Variants in KCNT2 observed in about 807,000 individuals in gnomAD.
The protein encoded by KCNT2 is potassium sodium-activated channel subfamily T member 2.
KCNT2 carries 67 observed loss-of-function variants against 153.8 expected under a neutral mutation model. The ratio of observed to expected loss-of-function variants is 0.44; its 90% confidence interval spans 0.36 to 0.53. The LOEUF is 0.53. Ranked by LOEUF, KCNT2 falls within the 20% of genes least tolerant of loss-of-function variation. The pLI, the probability that KCNT2 is intolerant of heterozygous loss-of-function variation, is 0.00. For missense variants in KCNT2, 975 were observed against 1,354.8 expected, an observed-to-expected ratio of 0.72 and a Z score of 4.40; for synonymous variants, 500 against 458.8, an observed-to-expected ratio of 1.09 and a Z score of -1.15.
At chr1:196,236,630 AG>A (rs1654467109) in intron 26 of KCNT2, among the ~76,000 whole-genome samples, 1 of 151,626 alleles carries the variant, frequency 6.6e-6, no homozygotes, top group Admixed American at 6.6e-5. Context: ...CCTCTAGAAC[AG>A]AATTTAACCA....
At chr1:196,336,415 T>C (rs1485256418) in intron 16 of KCNT2, among the ~76,000 whole-genome samples, 1 of 152,174 alleles carries the variant, frequency 6.6e-6, no homozygotes, top group Admixed American at 6.6e-5. Context: ...CTTTCAGTCT[T>C]TTCTAACCAA....
chr1:196,267,698 A>T (rs949346150), intron 25 of KCNT2, among the ~76,000 whole-genome samples: 1 of 152,162 alleles, frequency 6.6e-6, no homozygotes, highest in African/African-American at 2.4e-5. Flanking sequence ...TGCTGGTTGC[A>T]TACTGAGCTC....
chr1:196,599,791 G>A (rs948368522), intron 1 of KCNT2, among the ~76,000 whole-genome samples: 1 of 152,070 alleles, frequency 6.6e-6, no homozygotes, highest in Non-Finnish European at 1.5e-5. Flanking sequence ...AGGCAAAATT[G>A]TGGAGAGAAA....
Position 196,465,349 on chromosome 1 carries a change from T to A in KCNT2, c.582A>T (p.Ala194=). Residue 194 remains alanine (A), a synonymous_variant, in exon 8 of 28, where the codon GCA becomes GCT. Coordinates refer to ENST00000294725, the MANE Select transcript of KCNT2 (RefSeq NM_198503.5). ...TTAAAATCAAAACTTGATTAAACAT[T>A]GCAGACTGTGTACGCTGAATGGCTC... The part of the protein sequence containing the change: ...LHRAIQRTQS[A]MFNQVLILIS... The A allele has an allele frequency of 1.9e-6, 3 of 1,609,280 alleles. No individual in the cohort carries two copies. The highest frequency in any genetic ancestry group is 2.6e-6 in the Non-Finnish European group (3 of 1,176,212).
chr1:196,352,928 C>T (rs1666857465), intron 14 of KCNT2, among the ~76,000 whole-genome samples: 1 of 152,090 alleles, frequency 6.6e-6, no homozygotes, highest in Non-Finnish European at 1.5e-5. Flanking sequence ...TTTCAAAGAA[C>T]ATCTTTATTT....
At chr1:196,580,021 G>GAAAA (rs533944903) in intron 1 of KCNT2, among the ~76,000 whole-genome samples, 9 of 152,110 alleles carry the variant, frequency 5.9e-5, no homozygotes, top group Non-Finnish European at 1.2e-4. Flanking sequence ...CATTCATGTG[G>GAAAA]AAAGGTAGAA....
chr1:196,578,776 A>C (rs968211692), intron 1 of KCNT2, among the ~76,000 whole-genome samples: 6 of 152,122 alleles, frequency 3.9e-5, no homozygotes, highest in Non-Finnish European at 5.9e-5. Context: ...CCCCCATGTC[A>C]CCCACAGTAA....
At chr1:196,384,874 C>G (rs368810637) in intron 13 of KCNT2, among the ~76,000 whole-genome samples, 1 of 152,034 alleles carries the variant, frequency 6.6e-6, no homozygotes, top group East Asian at 1.9e-4. Flanking sequence ...AGAAGTCTCG[C>G]ATAACAACCT....
intron 25 of KCNT2, among the ~76,000 whole-genome samples, chr1:196,266,455 A>T (rs1657550664): frequency 6.6e-6 from 1 of 152,222 alleles, no homozygotes; most frequent in African/African-American, 2.4e-5. Flanking sequence ...CCATGGTCAT[A>T]ACAGATATTG....
intron 12 of KCNT2, among the ~76,000 whole-genome samples, chr1:196,410,497 A>G (rs1010640536): frequency 1.3e-4 from 19 of 151,592 alleles, no homozygotes; most frequent in African/African-American, 4.6e-4. Context: ...CAGCACACAA[A>G]CATAGCACAC....
In KCNT2 at chr1:196,334,067, C is replaced by T; in HGVS notation, c.1784-7G>A. On this transcript the variant is annotated splice_polypyrimidine_tract_variant and splice_region_variant and intron_variant, in intron 16 of 27. Coordinates refer to ENST00000294725, the MANE Select transcript of KCNT2 (RefSeq NM_198503.5). ...AAGTCTATAGCCACAGTACCTAAAACAATAAAACATGAAAATTTATCAAGG... is the reference window on the plus strand; with the variant it reads ...AAGTCTATAGCCACAGTACCTAAAATAATAAAACATGAAAATTTATCAAGG... The T allele has an allele frequency of 6.2e-7, 1 of 1,602,892 alleles. No individual in the cohort carries two copies.
intron 14 of KCNT2, 43 bp from the exon 15 acceptor site, chr1:196,342,271 A>G (rs759076000): frequency 7.8e-6 from 12 of 1,541,226 alleles, no homozygotes; most frequent in Non-Finnish European, 1.1e-5. Flanking sequence ...CAAAAAGAAA[A>G]CACAGTGAAT....
intron 12 of KCNT2, among the ~76,000 whole-genome samples, chr1:196,415,600 G>C (rs1672690671): frequency 6.6e-6 from 1 of 151,796 alleles, no homozygotes; most frequent in Non-Finnish European, 1.5e-5. Context: ...ATTAGGAATA[G>C]TCTGCTTTCT....
intron 8 of KCNT2, among the ~76,000 whole-genome samples, chr1:196,454,986 T>C (rs1448423761): frequency 6.6e-6 from 1 of 151,938 alleles, no homozygotes; most frequent in Non-Finnish European, 1.5e-5. Context: ...TAAAGTACTG[T>C]TTCCTCCCTG....
intron 21 of KCNT2, among the ~76,000 whole-genome samples, chr1:196,309,715 A>G (rs1169784424): frequency 6.6e-6 from 1 of 151,924 alleles, no homozygotes; most frequent in African/African-American, 2.4e-5. Context: ...GTTGTCTAAT[A>G]GATTTATTTA....
Position 196,490,438 on chromosome 1 carries a change from T to C in KCNT2, c.176-501A>G, listed in dbSNP as rs1031654173. Among the ~76,000 whole-genome samples the C allele has an allele frequency of 2.0e-5, 3 of 148,122 alleles. No homozygotes were observed. In the Admixed American group the frequency reaches 2.0e-4, roughly 10 times the overall value. On this transcript the variant is annotated intron_variant, in intron 2 of 27. Transcript: ENST00000294725. ...GTATATTTAATATTAACTATATAATTATAATACATTCCAATTATATAATTA... is the reference window on the plus strand; with the variant it reads ...GTATATTTAATATTAACTATATAATCATAATACATTCCAATTATATAATTA...
chr1:196,531,475 C>T (rs999558685), intron 1 of KCNT2, among the ~76,000 whole-genome samples: 5 of 151,978 alleles, frequency 3.3e-5, no homozygotes, highest in African/African-American at 7.2e-5. Flanking sequence ...ATGGAGGTAA[C>T]GGCTCCTACT....
chr1:196,390,582 GT>G (rs1403896730), intron 13 of KCNT2, among the ~76,000 whole-genome samples: 3 of 150,678 alleles, frequency 2.0e-5, no homozygotes, highest in Admixed American at 6.6e-5. Context: ...CTCCTATGAG[GT>G]TTTTTTTGTC....
intron 22 of KCNT2, among the ~76,000 whole-genome samples, chr1:196,302,127 A>G (rs964346383): frequency 6.6e-6 from 1 of 152,196 alleles, no homozygotes; most frequent in African/African-American, 2.4e-5. Flanking sequence ...GATGGAAACA[A>G]TATTCATAAT....
Sources: allele counts gnomAD v4.1 joint callset (sites outside exome capture counted in the v4.1 genomes callset), GRCh38; gene constraint gnomAD v4.1.1; transcripts MANE v1.5; gene names NCBI Gene and HGNC (gene_info 2026-07-23, HGNC 2026-07-21).